CDH13: variants seen among roughly 807,000 people sequenced by gnomAD.
CDH13 encodes cadherin 13, also known as cadherin-13.
CDH13 carries 24 observed loss-of-function variants against 63.8 expected under a neutral mutation model. The ratio of observed to expected loss-of-function variants is 0.38; its 90% CI spans 0.27 to 0.53. CDH13 has a LOEUF of 0.53. Among genes scored for constraint, CDH13 ranks in the 20% least tolerant of loss-of-function variants. The pLI is 0.85. For missense variants in CDH13, 1,049 were observed against 903.1 expected (o/e 1.16, Z -2.07); for synonymous variants, 503 against 355.3 (o/e 1.42, Z -4.67).
At chr16:83,070,487 T>A (rs1396807493) in intron 3 of CDH13, among the ~76,000 whole-genome samples, 2 of 152,210 alleles carry the variant, frequency 1.3e-5, no homozygotes, top group South Asian at 4.1e-4. Context: ...ACTGTTGATG[T>A]TTTTATGATC....
At chr16:83,324,040 C>CT (rs200015057) in intron 5 of CDH13, among the ~76,000 whole-genome samples, 32,003 of 141,176 alleles carry the variant, frequency 0.23, 4,246 homozygotes, top group Non-Finnish European at 0.3. Context: ...TCTTCTTCTT[C>CT]TTTTTTTTTT....
intron 6 of CDH13, among the ~76,000 whole-genome samples, chr16:83,372,572 T>C (rs955431477): frequency 5.9e-5 from 9 of 151,700 alleles, no homozygotes; most frequent in Non-Finnish European, 1.2e-4. Flanking sequence ...GCCAACATGG[T>C]GAAACCCCAT....
At chr16:83,714,232 TAG>T (rs1908543134) in intron 10 of CDH13, among the ~76,000 whole-genome samples, 2 of 152,198 alleles carry the variant, frequency 1.3e-5, no homozygotes, top group East Asian at 1.9e-4. Flanking sequence ...TCCAGAAATG[TAG>T]AGAGGATCAC....
intron 1 of CDH13, among the ~76,000 whole-genome samples, chr16:82,728,598 G>C (rs1287179314): frequency 2.6e-5 from 4 of 152,110 alleles, no homozygotes; most frequent in African/African-American, 7.2e-5. Context: ...TGAGCCTTCA[G>C]GGAGTCATAA....
At chr16:83,304,877 G>C (rs983797290) in intron 5 of CDH13, among the ~76,000 whole-genome samples, 1 of 152,022 alleles carries the variant, frequency 6.6e-6, no homozygotes, top group Non-Finnish European at 1.5e-5. Flanking sequence ...TCTCTCTCCC[G>C]TATGTGTGTG....
chr16:82,808,830 G>C (rs1394974938), intron 1 of CDH13, among the ~76,000 whole-genome samples: 4 of 152,104 alleles, frequency 2.6e-5, no homozygotes, highest in Non-Finnish European at 5.9e-5. Context: ...TTCCTGGTGT[G>C]AGTCTGCCAA....
At chr16:83,457,013 G>A (rs1377965017) in intron 6 of CDH13, among the ~76,000 whole-genome samples, 1 of 152,120 alleles carries the variant, frequency 6.6e-6, no homozygotes, top group Non-Finnish European at 1.5e-5. Context: ...GAGCTGAAAT[G>A]CCAGGTAAGC....
chr16:83,697,382 G>A (rs541834415), intron 10 of CDH13, among the ~76,000 whole-genome samples: 4 of 152,256 alleles, frequency 2.6e-5, no homozygotes, highest in Non-Finnish European at 5.9e-5. Flanking sequence ...GTTTGAAATG[G>A]CGTTGAGCAC....
chr16:83,040,097 A>C (rs913687124), intron 3 of CDH13, among the ~76,000 whole-genome samples: 19 of 151,826 alleles, frequency 1.3e-4, no homozygotes, highest in African/African-American at 4.6e-4. Context: ...CAGCACACTA[A>C]GATCACTCTG....
intron 10 of CDH13, among the ~76,000 whole-genome samples, chr16:83,704,192 G>A (rs563119787): frequency 6.6e-6 from 1 of 152,136 alleles, no homozygotes; most frequent in South Asian, 2.1e-4. Context: ...AAACTGCCTC[G>A]AAGGAAGCTA....
intron 10 of CDH13, among the ~76,000 whole-genome samples, chr16:83,743,649 A>G (rs1205875203): frequency 6.6e-6 from 1 of 151,930 alleles, no homozygotes; most frequent in African/African-American, 2.4e-5. Flanking sequence ...AATGCGGTTC[A>G]TTTAAAACTT....
At chr16:83,535,952 GAAGAA>G (rs72331325) in intron 7 of CDH13, among the ~76,000 whole-genome samples, 128,306 of 149,426 alleles carry the variant, frequency 0.86, 55,822 homozygotes, top group Non-Finnish European at 0.93. Flanking sequence ...AGGAAGGAAG[GAAGAA>G]AAGAAAAGAA....
intron 2 of CDH13, among the ~76,000 whole-genome samples, chr16:82,955,986 A>C (rs575969930): frequency 9.2e-5 from 14 of 152,214 alleles, no homozygotes; most frequent in Middle Eastern, 3.4e-3. Flanking sequence ...ATTTTTTTTA[A>C]CTCTGTGTAC....
At chr16:83,117,580 C>T (rs1483978181) in intron 3 of CDH13, among the ~76,000 whole-genome samples, 1 of 152,028 alleles carries the variant, frequency 6.6e-6, no homozygotes, top group Non-Finnish European at 1.5e-5. Context: ...AGGGCACTTG[C>T]TTCTTTTAGG....
chr16:83,085,258 A>G (rs888003022), intron 3 of CDH13, among the ~76,000 whole-genome samples: 6 of 152,124 alleles, frequency 3.9e-5, no homozygotes, highest in Non-Finnish European at 8.8e-5. Flanking sequence ...TGATAAACCC[A>G]TCAGATGTCT....
chr16:83,563,313 G>A (rs1463332372), intron 7 of CDH13, among the ~76,000 whole-genome samples: 1 of 152,314 alleles, frequency 6.6e-6, no homozygotes, highest in East Asian at 1.9e-4. Context: ...ATTTTAAGCA[G>A]TCATGGAACC....
Position 83,277,563 on chromosome 16 carries a change from A to G in CDH13, c.636+60066A>G, listed in dbSNP as rs74728080. 9.9e-3 allele frequency among the ~76,000 whole-genome samples: 1,512 copies of G among 152,262 alleles called. 8 individuals carry two copies. The highest frequency in any genetic ancestry group is 0.027 in the Middle Eastern group (8 of 294). On this transcript the variant is annotated intron_variant, in intron 5 of 13. Transcript: ENST00000567109. ...GCTTCATGAGGTCAAGACTATTTTC[A>G]TAAAAATACTGAGGTGTTTTGTGCG... is the stretch of plus-strand genomic sequence containing the variant.
intron 2 of CDH13, among the ~76,000 whole-genome samples, chr16:83,006,656 A>T (rs1913529303): frequency 6.6e-6 from 1 of 152,204 alleles, no homozygotes. Context: ...GCAAATAATG[A>T]TGAAGTGAGC....
At chr16:83,512,789 C>G (rs1363166768) in intron 7 of CDH13, among the ~76,000 whole-genome samples, 1 of 152,138 alleles carries the variant, frequency 6.6e-6, no homozygotes, top group African/African-American at 2.4e-5. Context: ...TAGAAGTAGC[C>G]ACATCCCCTG....
Sources: gnomAD v4.1 joint callset for allele counts (sites outside exome capture counted in the v4.1 genomes callset) on GRCh38, gnomAD v4.1.1 for gene constraint, MANE v1.5 for transcripts, NCBI Gene and HGNC (gene_info 2026-07-23, HGNC 2026-07-21) for gene names.